The following SV2C variants were observed in gnomAD, a reference collection of about 807,000 sequenced individuals.
SV2C encodes the protein synaptic vesicle glycoprotein 2C, also known as solute carrier family 22 member B3.
Under a neutral mutation model 79.7 loss-of-function variants are expected in SV2C, and 49 were observed. The ratio of observed to expected loss-of-function variants is 0.61; its 90% CI spans 0.49 to 0.78. SV2C has a LOEUF of 0.78. Among genes scored for constraint, SV2C ranks in the 30% least tolerant of loss-of-function variants. The probability of loss-of-function intolerance (pLI) is 0.00; values close to 1 mark genes in which losing one functional copy is unlikely to be tolerated. For missense variants in SV2C, 833 were observed against 912.9 expected, an observed-to-expected ratio of 0.91 and a Z score of 1.13; for synonymous variants, 334 against 333.2, an observed-to-expected ratio of 1.00 and a Z score of -0.03.
the SV2C span, among the ~76,000 whole-genome samples, chr5:76,071,909 C>A: frequency 1.3e-5 from 2 of 152,126 alleles, no homozygotes; most frequent in Non-Finnish European, 2.9e-5. Context: ...AAAAGAAATT[C>A]TAGCAGTGAG....
the SV2C span, among the ~76,000 whole-genome samples, chr5:76,027,821 G>A: frequency 6.6e-6 from 1 of 152,128 alleles, no homozygotes; most frequent in Non-Finnish European, 1.5e-5. Flanking sequence ...AACACCCTCT[G>A]CATACTCTAC....
At chr5:75,953,941 G>T in the SV2C span, among the ~76,000 whole-genome samples, 1 of 151,872 alleles carries the variant, frequency 6.6e-6, no homozygotes, top group Non-Finnish European at 1.5e-5. Context: ...CTTTATTCTG[G>T]AGTGTGCTTC....
At chr5:75,994,995 C>G in the SV2C span, among the ~76,000 whole-genome samples, 2 of 152,132 alleles carry the variant, frequency 1.3e-5, no homozygotes, top group African/African-American at 4.8e-5. Context: ...GTCTGAAGGC[C>G]TGAGAATCAG....
the SV2C span, among the ~76,000 whole-genome samples, chr5:75,994,787 C>T: frequency 1.3e-5 from 2 of 152,068 alleles, no homozygotes; most frequent in Non-Finnish European, 2.9e-5. Context: ...ATTATGTAGG[C>T]CAACAAGTCC....
the SV2C span, among the ~76,000 whole-genome samples, chr5:75,898,619 AT>A: frequency 2.6e-5 from 4 of 151,934 alleles, no homozygotes; most frequent in African/African-American, 9.7e-5. Flanking sequence ...TTTTTTATTG[AT>A]TGGAATAGTT....
intron 12 of SV2C, among the ~76,000 whole-genome samples, chr5:76,305,516 G>A (rs772715320): frequency 3.3e-5 from 5 of 152,146 alleles, no homozygotes; most frequent in Non-Finnish European, 5.9e-5. Flanking sequence ...CAGAGAGCCT[G>A]TGTCTCTGCT....
chr5:76,311,845 T>G (rs908347053), intron 12 of SV2C, among the ~76,000 whole-genome samples: 2 of 152,202 alleles, frequency 1.3e-5, no homozygotes, highest in African/African-American at 4.8e-5. Context: ...AAAATTACTT[T>G]CAACCCTCTT....
At chr5:76,246,713 A>G (rs1745957536) in intron 4 of SV2C, among the ~76,000 whole-genome samples, 1 of 152,186 alleles carries the variant, frequency 6.6e-6, no homozygotes, top group Non-Finnish European at 1.5e-5. Flanking sequence ...GGGAAAAATT[A>G]TGCCCAGCAA....
In SV2C at chr5:76,291,128, G is replaced by A. The variant is rs1747547020; in HGVS notation, c.1138-93G>A. The A allele has an allele frequency of 9.3e-6, 7 of 748,876 alleles. No individual in the cohort carries two copies. In the South Asian group the frequency reaches 1.3e-4, roughly 14 times the overall value. The allele number at this position is 748,876 out of a possible 1,614,324, so 46.4% of individuals were successfully genotyped here. ...CAAATACCGCCTACTTCTTGCCGGA[G>A]TCAGTTTTTGCTCCTGTAAAAACAA... On this transcript the variant is annotated intron_variant, in intron 6 of 12. Coordinates refer to ENST00000502798, the MANE Select transcript of SV2C (RefSeq NM_014979.4).
At chr5:76,007,301 A>T in the SV2C span, among the ~76,000 whole-genome samples, 5 of 151,994 alleles carry the variant, frequency 3.3e-5, no homozygotes, top group South Asian at 6.2e-4. Flanking sequence ...CAATGAAAAC[A>T]TAAGCGTATA....
the SV2C span, among the ~76,000 whole-genome samples, chr5:75,956,273 A>G: frequency 6.8e-6 from 1 of 147,322 alleles, no homozygotes; most frequent in Non-Finnish European, 1.5e-5. Context: ...GGAAATCATC[A>G]TTCTCAGTAA....
At chr5:76,213,826 T>C (rs1309188090) in intron 4 of SV2C, among the ~76,000 whole-genome samples, 1 of 152,150 alleles carries the variant, frequency 6.6e-6, no homozygotes, top group Non-Finnish European at 1.5e-5. Context: ...CTCCAGAACT[T>C]ATCATCTTAT....
chr5:76,301,390 C>T lies in SV2C; in HGVS notation c.1845C>T (p.Gly615=), dbSNP rs910255295. Residue 615 remains glycine (G), a synonymous_variant, in exon 12 of 13, where the codon GGC becomes GGT. Coordinates refer to ENST00000502798, the MANE Select transcript of SV2C (RefSeq NM_014979.4). ...TTTTGTCTGCATTGTTGGCAGGTGG[C>T]TCTATGGTGCTTTCGGGGATCAGCT... ...DRIGRLTMLG[G]SMVLSGISCF... 6.2e-7 allele frequency: 1 copy of T among 1,613,726 alleles called. No homozygotes were observed. The highest frequency in any genetic ancestry group is 1.3e-5 in the African/African-American group (1 of 74,898).
chr5:76,204,296 T>G (rs1264781076), intron 3 of SV2C, among the ~76,000 whole-genome samples: 1 of 152,238 alleles, frequency 6.6e-6, no homozygotes, highest in Non-Finnish European at 1.5e-5. Context: ...TTCATGCAAG[T>G]TATTTGTAAT....
the SV2C span, among the ~76,000 whole-genome samples, chr5:75,900,879 G>A: frequency 4.6e-5 from 7 of 152,086 alleles, no homozygotes; most frequent in African/African-American, 1.7e-4. Flanking sequence ...GATCACATCA[G>A]CTCCCGAGGC....
At chr5:76,028,078 G>C in the SV2C span, among the ~76,000 whole-genome samples, 3 of 152,216 alleles carry the variant, frequency 2.0e-5, no homozygotes, top group African/African-American at 4.8e-5. Context: ...TGGGCGCCTT[G>C]GACTCCCTGA....
chr5:76,048,921 GA>G, the SV2C span, among the ~76,000 whole-genome samples: 23,148 of 74,640 alleles, frequency 0.31, 7,382 homozygotes, highest in East Asian at 0.75. Flanking sequence ...GGGAAAGAAA[GA>G]AAAAAAGAGA....
the SV2C span, among the ~76,000 whole-genome samples, chr5:75,853,680 A>T: frequency 0.015 from 2,029 of 138,358 alleles, 30 homozygotes; most frequent in African/African-American, 0.044. Flanking sequence ...TATTTTTTTT[A>T]AAATATTACA....
intron 4 of SV2C, among the ~76,000 whole-genome samples, chr5:76,214,485 C>A (rs534802730): frequency 2.6e-5 from 4 of 152,278 alleles, no homozygotes; most frequent in African/African-American, 9.6e-5. Flanking sequence ...CTTCTTCTTG[C>A]TCAAGGTTAC....
Sources: gnomAD v4.1 joint callset for allele counts (sites outside exome capture counted in the v4.1 genomes callset) on GRCh38, gnomAD v4.1.1 for gene constraint, MANE v1.5 for transcripts, NCBI Gene and HGNC (gene_info 2026-07-23, HGNC 2026-07-21) for gene names.